The following NAALADL2 variants were observed in gnomAD, a reference collection of about 807,000 sequenced individuals.
NAALADL2 encodes inactive N-acetylated-alpha-linked acidic dipeptidase-like protein 2.
NAALADL2 carries 76 observed loss-of-function variants against 87.2 expected under a neutral mutation model. The observed-to-expected ratio is 0.87, with a 90% CI of 0.72 to 1.05. NAALADL2 has a LOEUF of 1.05. Among genes scored for constraint, NAALADL2 ranks in the 50% least tolerant of loss-of-function variants. The pLI, the probability that NAALADL2 is intolerant of heterozygous loss-of-function variation, is 0.00. For missense variants in NAALADL2, 1,089 were observed against 945.8 expected (o/e 1.15, Z -1.99); for synonymous variants, 354 against 331.0 (o/e 1.07, Z -0.75).
chr3:174,820,008 T>C (rs1721247507), intron 3 of NAALADL2, among the ~76,000 whole-genome samples: 1 of 152,106 alleles, frequency 6.6e-6, no homozygotes, highest in African/African-American at 2.4e-5. Context: ...GTAGATCTAG[T>C]TATAGGCAGC....
intron 5 of NAALADL2, among the ~76,000 whole-genome samples, chr3:175,335,377 C>T (rs545638152): frequency 1.3e-5 from 2 of 152,212 alleles, no homozygotes; most frequent in African/African-American, 4.8e-5. Flanking sequence ...TGAAAAAATT[C>T]GGTGGTTATA....
At chr3:174,508,910 AT>A (rs1719400268) in intron 1 of NAALADL2, among the ~76,000 whole-genome samples, 1 of 151,972 alleles carries the variant, frequency 6.6e-6, no homozygotes, top group African/African-American at 2.4e-5. Context: ...TTAATTTCTA[AT>A]TTTTGTTGTT....
At chr3:174,468,844 T>C (rs1394357000) in intron 1 of NAALADL2, among the ~76,000 whole-genome samples, 1 of 150,116 alleles carries the variant, frequency 6.7e-6, no homozygotes, top group Non-Finnish European at 1.5e-5. Flanking sequence ...CTCACTGCAG[T>C]CTCCGCCTCC....
intron 11 of NAALADL2, among the ~76,000 whole-genome samples, chr3:175,728,326 A>G (rs555009828): frequency 6.6e-6 from 1 of 152,308 alleles, no homozygotes; most frequent in East Asian, 1.9e-4. Flanking sequence ...TCTTAAGGCT[A>G]TATTTTAGTC....
At chr3:175,614,330 C>T (rs749949230) in intron 10 of NAALADL2, among the ~76,000 whole-genome samples, 1 of 152,174 alleles carries the variant, frequency 6.6e-6, no homozygotes, top group Non-Finnish European at 1.5e-5. Context: ...AGATGATAGG[C>T]GTGAGCCACC....
chr3:174,736,243 G>A (rs1309132574), intron 2 of NAALADL2, among the ~76,000 whole-genome samples: 1 of 152,124 alleles, frequency 6.6e-6, no homozygotes, highest in Non-Finnish European at 1.5e-5. Flanking sequence ...AATGTGGCGA[G>A]CAAGGGGCAT....
At chr3:174,511,704 C>G (rs1719609062) in intron 1 of NAALADL2, among the ~76,000 whole-genome samples, 1 of 150,124 alleles carries the variant, frequency 6.7e-6, no homozygotes, top group South Asian at 2.1e-4. Flanking sequence ...TTCTATTTCT[C>G]TTATCTGTTT....
At chr3:174,953,740 C>A (rs1237492673) in intron 1 of NAALADL2, among the ~76,000 whole-genome samples, 1 of 151,946 alleles carries the variant, frequency 6.6e-6, no homozygotes, top group East Asian at 1.9e-4. Flanking sequence ...GCAAGCTTTT[C>A]CCCGGAGCAG....
chr3:175,228,713 G>C (rs190742967), intron 2 of NAALADL2, among the ~76,000 whole-genome samples: 1 of 151,836 alleles, frequency 6.6e-6, no homozygotes, highest in African/African-American at 2.4e-5. Flanking sequence ...TTTAGTATAA[G>C]AAAAGTTTGT....
chr3:175,755,528 T>C, intron 13 of NAALADL2, 110 bp downstream of exon 13: 7 of 726,108 alleles, frequency 9.6e-6, no homozygotes, highest in Non-Finnish European at 1.4e-5. Context: ...AAAGAAATTA[T>C]AAAGCAGTTA....
chr3:175,586,004 T>C (rs1265083365), intron 10 of NAALADL2, among the ~76,000 whole-genome samples: 3 of 152,172 alleles, frequency 2.0e-5, no homozygotes, highest in Non-Finnish European at 2.9e-5. Flanking sequence ...AATTTAAGAT[T>C]AAAATGTTAA....
chr3:174,500,284 C>T (rs879772016), intron 1 of NAALADL2, among the ~76,000 whole-genome samples: 3 of 152,020 alleles, frequency 2.0e-5, no homozygotes, highest in Non-Finnish European at 2.9e-5. Context: ...ATCCTACCAC[C>T]TTACTAAAAT....
intron 2 of NAALADL2, among the ~76,000 whole-genome samples, chr3:175,121,338 C>T (rs1391917100): frequency 6.6e-6 from 1 of 151,806 alleles, no homozygotes; most frequent in East Asian, 1.9e-4. Context: ...TTCAAGCTTA[C>T]TTTACTGTTG....
chr3:174,568,416 C>T (rs950972652), intron 2 of NAALADL2, among the ~76,000 whole-genome samples: 6 of 151,606 alleles, frequency 4.0e-5, no homozygotes, highest in Non-Finnish European at 8.9e-5. Flanking sequence ...GTATTGCTTG[C>T]CCATGAAATA....
chr3:175,677,440 A>G (rs1337739928), intron 11 of NAALADL2, among the ~76,000 whole-genome samples: 3 of 150,164 alleles, frequency 2.0e-5, no homozygotes, highest in Admixed American at 2.0e-4. Context: ...TAAAATTTTA[A>G]CCTGTATTTT....
chr3:174,968,636 C>A (rs868361786), intron 1 of NAALADL2, among the ~76,000 whole-genome samples: 2 of 151,958 alleles, frequency 1.3e-5, no homozygotes, highest in East Asian at 3.9e-4. Context: ...CACGCCACCA[C>A]GCCCAGCTAA....
chr3:174,773,278 C>A, intron 3 of NAALADL2, among the ~76,000 whole-genome samples: 1 of 152,108 alleles, frequency 6.6e-6, no homozygotes. Flanking sequence ...ATCCCACAAG[C>A]TAAAAAACTT....
At chr3:175,520,268 T>C (rs1023195584) in intron 9 of NAALADL2, among the ~76,000 whole-genome samples, 1 of 149,524 alleles carries the variant, frequency 6.7e-6, no homozygotes, top group African/African-American at 2.4e-5. Flanking sequence ...TTTGCATAAA[T>C]TCTAAAGAAT....
chr3:174,493,086 A>G (rs1718303506), intron 1 of NAALADL2, among the ~76,000 whole-genome samples: 1 of 152,220 alleles, frequency 6.6e-6, no homozygotes, highest in Admixed American at 6.5e-5. Context: ...CATTCTGAAA[A>G]CTTTCAAAAA....
Sources: gnomAD v4.1 joint callset for allele counts (sites outside exome capture counted in the v4.1 genomes callset) on GRCh38, gnomAD v4.1.1 for gene constraint, MANE v1.5 for transcripts, NCBI Gene and HGNC (gene_info 2026-07-23, HGNC 2026-07-21) for gene names.